The following CYP2S1 variants were observed in gnomAD, a reference collection of about 807,000 sequenced individuals.
CYP2S1 encodes cytochrome P450 family 2 subfamily S member 1.
A neutral mutation model predicts 43.5 loss-of-function variants in CYP2S1; 32 were observed. The observed-to-expected ratio is 0.74, with a 90% CI of 0.56 to 0.99. CYP2S1 has a LOEUF of 0.99. Among genes scored for constraint, CYP2S1 ranks in the 50% least tolerant of loss-of-function variants. The probability of loss-of-function intolerance (pLI) is 0.00; values close to 1 mark genes in which losing one functional copy is unlikely to be tolerated. For missense variants in CYP2S1, 575 were observed against 673.9 expected (o/e 0.85, Z 1.62); for synonymous variants, 283 against 302.9 (o/e 0.93, Z 0.68).
In CYP2S1 at chr19:41,194,979, G is replaced by A. The variant is rs553286984; in HGVS notation, c.343+270G>A. ...AAAAATATAAAAATTAGCTGGGCATGGTGGTGCGTACCTGTAATCCCAGAT... is the reference window on the plus strand; with the variant it reads ...AAAAATATAAAAATTAGCTGGGCATAGTGGTGCGTACCTGTAATCCCAGAT... On this transcript the variant is annotated intron_variant, in intron 2 of 8. Coordinates refer to ENST00000310054, the MANE Select transcript of CYP2S1 (RefSeq NM_030622.8). 1.6e-3 allele frequency among the ~76,000 whole-genome samples: 244 copies of A among 152,294 alleles called. 1 individual carries two copies. The highest frequency in any genetic ancestry group is 1.7e-3 in the Non-Finnish European group (116 of 68,036).
At chr19:41,194,911 T>A (rs2033392767) in intron 2 of CYP2S1, among the ~76,000 whole-genome samples, 1 of 151,782 alleles carries the variant, frequency 6.6e-6, no homozygotes, top group South Asian at 2.1e-4. Flanking sequence ...AGGTCAGGAG[T>A]TCGAGACCAG....
At position 41,198,407 on chromosome 19, in the gene CYP2S1, G is replaced by T; in HGVS notation, c.494-55G>T. On this transcript the variant is annotated intron_variant, in intron 3 of 8. Transcript: ENST00000310054. This position sits in a 1 kb window ranked among gnomAD's most constrained non-coding sequence, Gnocchi z 4.9. ...CTCTGGTTGGGTTCAGCTCCAACCT[G>T]CTCCCCTCTGCCTGGCTCCATCACA... 6.3e-7 allele frequency: 1 copy of T among 1,598,258 alleles called. No homozygotes were observed. The highest frequency in any genetic ancestry group is 8.5e-7 in the Non-Finnish European group (1 of 1,173,020).
At chr19:41,202,267 C>T (rs1317309492) in intron 6 of CYP2S1, among the ~76,000 whole-genome samples, 1 of 152,124 alleles carries the variant, frequency 6.6e-6, no homozygotes, top group Admixed American at 6.5e-5. Flanking sequence ...GGATTACAGG[C>T]ATGAGCCAAG....
At chr19:41,204,232 TG>T (rs2033532581) in intron 7 of CYP2S1, among the ~76,000 whole-genome samples, 1 of 152,168 alleles carries the variant, frequency 6.6e-6, no homozygotes, top group Non-Finnish European at 1.5e-5. Flanking sequence ...ACTCTATCTC[TG>T]GGCCCCATCT....
At position 41,201,260 on chromosome 19, in the gene CYP2S1, C is replaced by T. The variant is rs373437581; in HGVS notation, c.864C>T (p.Thr288=). 6.2e-7 allele frequency: 1 copy of T among 1,614,148 alleles called. No homozygotes were observed. The highest frequency in any genetic ancestry group is 1.1e-5 in the South Asian group (1 of 91,082). ...QEEQNPGTEF[T]NKNMLMTVIY... ...AACAAAACCCAGGCACAGAATTCAC[C>T]AACAAGAACATGCTGATGACAGTCA... Residue 288 remains threonine (T), a synonymous_variant, in exon 6 of 9, where the codon ACC becomes ACT. Coordinates refer to ENST00000310054, the MANE Select transcript of CYP2S1 (RefSeq NM_030622.8).
rs1322023375 is a variant in CYP2S1 at position 41,198,899 on chromosome 19, G to T, written c.834+11G>T. ...CTGAAGATGGCACAGGTGTGGGAAGGGTGCAGGGACCCCCTCTCTGAATGG... is the reference window on the plus strand; with the variant it reads ...CTGAAGATGGCACAGGTGTGGGAAGTGTGCAGGGACCCCCTCTCTGAATGG... On this transcript the variant is annotated intron_variant, in intron 5 of 8. Transcript: ENST00000310054. The surrounding 1 kb of genome is among the most constrained non-coding windows in gnomAD (Gnocchi z 4.9). 1.2e-6 allele frequency: 2 copies of T among 1,604,518 alleles called. No individual in the cohort carries two copies. Among genetic ancestry groups the T allele is most frequent in the Non-Finnish European group, 1.7e-6 (2 of 1,173,016 alleles).
chr19:41,205,380 T>TTCTTTCTTTCTTTCTTTCTC (rs1555727582), intron 7 of CYP2S1, among the ~76,000 whole-genome samples: 4 of 127,758 alleles, frequency 3.1e-5, no homozygotes, highest in South Asian at 2.5e-4. Context: ...CTTTCTTTCT[T>TTCTTTCTTTCTTTCTTTCTC]TCTCTCTCTC....
Position 41,194,719 on chromosome 19 carries a change from G to T in CYP2S1, c.343+10G>T. On this transcript the variant is annotated intron_variant, in intron 2 of 8. Coordinates refer to ENST00000310054, the MANE Select transcript of CYP2S1 (RefSeq NM_030622.8). ...ACTTTTGATGGCCATGGTAAGTCAAGGGCTGCTAGGCCCTCCGCTCACAGC... is the reference window on the plus strand; with the variant it reads ...ACTTTTGATGGCCATGGTAAGTCAATGGCTGCTAGGCCCTCCGCTCACAGC... The T allele has an allele frequency of 6.2e-7, 1 of 1,606,538 alleles. No homozygotes were observed. Among genetic ancestry groups the T allele is most frequent in the East Asian group, 2.2e-5 (1 of 44,514 alleles).
intron 1 of CYP2S1, 170 bp downstream of exon 1, chr19:41,193,611 AG>A: frequency 1.6e-6 from 2 of 1,265,998 alleles, no homozygotes; most frequent in Non-Finnish European, 2.0e-6. Flanking sequence ...CAGGTTGTCC[AG>A]GGCTGAGAAG....
intron 7 of CYP2S1, among the ~76,000 whole-genome samples, chr19:41,204,754 C>T (rs2033541325): frequency 6.6e-6 from 1 of 151,622 alleles, no homozygotes; most frequent in Non-Finnish European, 1.5e-5. Context: ...TATGCCACCA[C>T]ACCCGGCTAA....
Position 41,198,434 on chromosome 19 carries a change from C to A in CYP2S1, c.494-28C>A. Reference sequence around the variant, plus strand: ...TCCCCTCTGCCTGGCTCCATCACAGCCTACCTCCCTGCCCCCATTCCCCCC... The same window carrying A: ...TCCCCTCTGCCTGGCTCCATCACAGACTACCTCCCTGCCCCCATTCCCCCC... On this transcript the variant is annotated intron_variant, in intron 3 of 8. Transcript: ENST00000310054. This position sits in a 1 kb window ranked among gnomAD's most constrained non-coding sequence, Gnocchi z 4.9. 1.2e-6 allele frequency: 2 copies of A among 1,610,154 alleles called. No homozygotes were observed. The highest frequency in any genetic ancestry group is 1.7e-6 in the Non-Finnish European group (2 of 1,178,180).
Position 41,194,651 on chromosome 19 carries a change from TGAG to T in CYP2S1, c.289_291del (p.Glu97del), listed in dbSNP as rs1439237652. On this transcript the variant is annotated inframe_deletion, in exon 2 of 9. Coordinates refer to ENST00000310054, the MANE Select transcript of CYP2S1 (RefSeq NM_030622.8). Reference sequence around the variant, plus strand: ...TGCGGGAGGCCCTGGGAGGTCAGGCTGAGGAGTTCAGCGGCCGGGGAACCGTAG... The same window carrying T: ...TGCGGGAGGCCCTGGGAGGTCAGGCTGAGTTCAGCGGCCGGGGAACCGTAG... The T allele has an allele frequency of 6.2e-7, 1 of 1,612,482 alleles. No homozygotes were observed. The highest frequency in any genetic ancestry group is 8.5e-7 in the Non-Finnish European group (1 of 1,179,352).
Position 41,204,736 on chromosome 19 carries a change from T to G in CYP2S1, c.1164+1099T>G, listed in dbSNP as rs540409349. 3.0e-4 allele frequency among the ~76,000 whole-genome samples: 46 copies of G among 151,842 alleles called. 1 individual carries two copies. The South Asian group carries it at 9.6e-3, about 32-fold the overall frequency. On this transcript the variant is annotated intron_variant, in intron 7 of 8. Transcript: ENST00000310054. ...CCTCAGCCTCCTGGGTAGCTGGGAT[T>G]ACAGGTGTATGCCACCACACCCGGC...
chr19:41,200,625 C>T (rs1205069791), intron 5 of CYP2S1, among the ~76,000 whole-genome samples: 3 of 152,142 alleles, frequency 2.0e-5, no homozygotes, highest in Non-Finnish European at 2.9e-5. Context: ...CCACCCGCCT[C>T]GGCCTCCCAA....
Position 41,193,285 on chromosome 19 carries a change from G to A in CYP2S1, c.21G>A (p.Trp7Ter). 6.5e-7 allele frequency: 1 copy of A among 1,543,584 alleles called. No homozygotes were observed. Residue 7 changes from tryptophan to a stop codon, truncating the protein, a stop_gained, in exon 1 of 9, where the codon TGG becomes TGA. Transcript: ENST00000310054. LOFTEE classifies it high-confidence loss of function. Reference sequence around the variant, plus strand: ...CCGAGATGGAGGCGACCGGCACCTGGGCGCTGCTGCTGGCGCTGGCGCTGC... The same window carrying A: ...CCGAGATGGAGGCGACCGGCACCTGAGCGCTGCTGCTGGCGCTGGCGCTGC... The part of the protein sequence containing the change: MEATGT[W>*]ALLLALALLL...
In CYP2S1 at chr19:41,206,960, C is replaced by T. The variant is rs2033589913; in HGVS notation, c.*472C>T. On this transcript the variant is annotated 3_prime_UTR_variant, in exon 9 of 9. Transcript: ENST00000310054. ...CATGCCCCCTCCGGGGTCATGCCAC[C>T]CAGAGACTGTCGCTGTCTATGGCCC... The T allele has an allele frequency of 5.4e-6, 2 of 369,986 alleles. No homozygotes were observed. The highest frequency in any genetic ancestry group is 3.4e-5 in the Admixed American group (1 of 29,562). 22.9% of individuals were successfully genotyped at this position (369,986 alleles called of 1,614,324 possible).
At chr19:41,197,150 G>A (rs771664236) in intron 2 of CYP2S1, among the ~76,000 whole-genome samples, 2 of 151,564 alleles carry the variant, frequency 1.3e-5, no homozygotes, top group East Asian at 2.0e-4. Flanking sequence ...AGCTGAGATC[G>A]TGCCATTGCA....
At chr19:41,196,667 C>G (rs2033416951) in intron 2 of CYP2S1, among the ~76,000 whole-genome samples, 1 of 152,032 alleles carries the variant, frequency 6.6e-6, no homozygotes. Context: ...AGGGCAAGGA[C>G]AGGAGACACC....
Position 41,206,267 on chromosome 19 carries a change from CT to C in CYP2S1, c.1307-12del. 2 of 1,614,016 alleles carry C rather than the reference CT, an allele frequency of 1.2e-6. No individual in the cohort carries two copies. Among genetic ancestry groups the C allele is most frequent in the Non-Finnish European group, 1.7e-6 (2 of 1,180,010 alleles). On this transcript the variant is annotated splice_polypyrimidine_tract_variant and intron_variant, in intron 8 of 8. Coordinates refer to ENST00000310054, the MANE Select transcript of CYP2S1 (RefSeq NM_030622.8). ...TACTGACTCAGCCCTCTCTCTCTCT[CT>C]CTCCTCACCAGGGAAGCGTGTCTGC...
Sources: allele counts gnomAD v4.1 joint callset (sites outside exome capture counted in the v4.1 genomes callset), GRCh38; gene constraint gnomAD v4.1.1; non-coding constraint Gnocchi (gnomAD v3.1); transcripts MANE v1.5; gene names NCBI Gene and HGNC (gene_info 2026-07-23, HGNC 2026-07-21).